Variants in SLMAP observed in about 807,000 individuals in gnomAD.
The protein encoded by SLMAP is sarcolemmal membrane-associated protein.
Under a neutral mutation model 128.8 loss-of-function variants are expected in SLMAP, and 44 were observed. The ratio of observed to expected loss-of-function variants is 0.34; its 90% CI spans 0.27 to 0.44. The LOEUF (loss-of-function observed/expected upper bound fraction) is 0.44, where lower values mean the gene tolerates loss of function less well. SLMAP is among the 20% of genes least tolerant of loss of function. The pLI is 1.00. For synonymous variants in SLMAP, 327 were observed against 348.8 expected, an observed-to-expected ratio of 0.94 and a Z score of 0.70; for missense variants, 787 against 985.3, an observed-to-expected ratio of 0.80 and a Z score of 2.69.
rs1417183805 is a variant in SLMAP, at chr3:57,906,321, T to C, written c.1502-1563T>C. Among the ~76,000 whole-genome samples the C allele has an allele frequency of 3.9e-5, 5 of 126,746 alleles. No homozygotes were observed. The East Asian group carries it at 8.4e-4, about 21-fold the overall frequency. 83.2% of individuals were successfully genotyped at this position (126,746 alleles called of 152,430 possible). On this transcript the variant is annotated intron_variant, in intron 17 of 24. Coordinates refer to ENST00000671191, the MANE Select transcript of SLMAP (RefSeq NM_001377540.1). ...TTTTCTTTTTTTTTCTTTTTTTTTT[T>C]TTTTTTTTTTTAGAGACACAGTCAC...
In SLMAP at chr3:57,913,272, A is replaced by G. The variant is rs2096736969; in HGVS notation, c.2135A>G (p.His712Arg). ...SELQRQEKELHNSQKQSLELT... is the reference protein window; with the variant it reads ...SELQRQEKELRNSQKQSLELT... The stretch of plus-strand genomic sequence containing the variant: ...CTGCAACGGCAAGAAAAAGAATTGC[A>G]CAAGTATGCAAGAACTCTCTGTTTT... Residue 712 changes from histidine to arginine, a missense_variant, in exon 21 of 25, where the codon CAC becomes CGC. Physicochemically the swap from His to Arg is conservative, Grantham distance 29. Coordinates refer to ENST00000671191, the MANE Select transcript of SLMAP (RefSeq NM_001377540.1). The G allele has an allele frequency of 4.3e-6, 6 of 1,405,242 alleles. No individual in the cohort carries two copies. Among genetic ancestry groups the G allele is most frequent in the Non-Finnish European group, 6.0e-6 (6 of 999,418 alleles). 87.0% of individuals were successfully genotyped at this position (1,405,242 alleles called of 1,614,324 possible). A position where few individuals can be genotyped will look rare whatever the true frequency, so the allele number is the denominator to read the frequency against.
intron 17 of SLMAP, chr3:57,901,566 G>A (rs952665471): frequency 6.6e-6 from 1 of 152,104 alleles, no homozygotes; most frequent in African/African-American, 2.4e-5. Context: ...CAGTTTGCAG[G>A]ACATACAAAG....
chr3:57,820,868 C>T (rs764036843), intron 2 of SLMAP, among the ~76,000 whole-genome samples: 3 of 152,136 alleles, frequency 2.0e-5, no homozygotes, highest in Non-Finnish European at 2.9e-5. Flanking sequence ...CCCCTACTGC[C>T]TGGTGAATAT....
In SLMAP at chr3:57,917,092, C is replaced by T; in HGVS notation, c.2310+15C>T. 1 of 1,613,480 alleles carries T rather than the reference C, an allele frequency of 6.2e-7. No homozygotes were observed. Among genetic ancestry groups the T allele is most frequent in the Non-Finnish European group, 8.5e-7 (1 of 1,179,702 alleles). On this transcript the variant is annotated intron_variant, in intron 22 of 24. Coordinates refer to ENST00000671191, the MANE Select transcript of SLMAP (RefSeq NM_001377540.1). The stretch of plus-strand genomic sequence containing the variant: ...TGCAGAAAGAGGTAAAGCGAAAAGA[C>T]ATTATGAGCCCAATTATGGTTGGAC...
At chr3:57,902,865 C>G (rs2096427256) in intron 17 of SLMAP, among the ~76,000 whole-genome samples, 1 of 152,130 alleles carries the variant, frequency 6.6e-6, no homozygotes, top group Non-Finnish European at 1.5e-5. Flanking sequence ...GCATAATTAT[C>G]GTCAAAAGTG....
In SLMAP at chr3:57,820,290, GTAAT is replaced by G. The variant is rs201494704; in HGVS notation, c.199-11090_199-11087del. On this transcript the variant is annotated intron_variant, in intron 2 of 24. Transcript: ENST00000671191. ...ATTAATAATTTTGATATCCTTTGAG[GTAAT>G]TAGAGACTTTTTGATGTCTAAAAGA... Among the ~76,000 whole-genome samples, 28 of 152,048 alleles carry G rather than the reference GTAAT, an allele frequency of 1.8e-4. No homozygotes were observed. In the East Asian group the frequency reaches 3.9e-3, roughly 21 times the overall value.
At chr3:57,863,365 GT>G (rs1336442083) in intron 10 of SLMAP, among the ~76,000 whole-genome samples, 5 of 152,208 alleles carry the variant, frequency 3.3e-5, no homozygotes, top group Non-Finnish European at 5.9e-5. Context: ...GAAGATATGT[GT>G]TTGTTAGAGA....
chr3:57,759,998 G>A (rs1343984696), intron 2 of SLMAP, among the ~76,000 whole-genome samples: 5 of 152,108 alleles, frequency 3.3e-5, no homozygotes, highest in Non-Finnish European at 7.4e-5. Context: ...AGAGTGCAGT[G>A]GCGCAACCTC....
intron 17 of SLMAP, among the ~76,000 whole-genome samples, chr3:57,907,549 A>G (rs2096599544): frequency 6.6e-6 from 1 of 152,254 alleles, no homozygotes; most frequent in South Asian, 2.1e-4. Context: ...ATGAAGAAGT[A>G]TAGCATTTTG....
intron 2 of SLMAP, among the ~76,000 whole-genome samples, chr3:57,807,969 G>A (rs1408239472): frequency 6.6e-6 from 1 of 152,054 alleles, no homozygotes; most frequent in African/African-American, 2.4e-5. Flanking sequence ...GTCTATTCAG[G>A]GATTCAGCTT....
intron 2 of SLMAP, among the ~76,000 whole-genome samples, chr3:57,829,409 C>T (rs1395559006): frequency 6.6e-6 from 1 of 151,892 alleles, no homozygotes; most frequent in African/African-American, 2.4e-5. Flanking sequence ...TGCCCAGGCA[C>T]ATATTACTAA....
intron 9 of SLMAP, 36 bp downstream of exon 9, chr3:57,860,875 A>G (rs772862198): frequency 1.3e-6 from 2 of 1,487,910 alleles, no homozygotes; most frequent in East Asian, 4.8e-5. Context: ...AAATAGTATT[A>G]TGAGTGTTCA....
intron 21 of SLMAP, among the ~76,000 whole-genome samples, chr3:57,914,022 CAAATAG>C (rs2096757071): frequency 1.3e-5 from 2 of 152,016 alleles, no homozygotes; most frequent in South Asian, 4.2e-4. Flanking sequence ...TTCTGAATTT[CAAATAG>C]GGTTGTATGA....
In SLMAP at chr3:57,818,116, G is replaced by A. The variant is rs563559917; in HGVS notation, c.199-13267G>A. Reference sequence around the variant, plus strand: ...ACTAGCTTAGGAGACCCTTTGGCGAGTTACTTAACCTCTTTTAGTCCTGAT... The same window carrying A: ...ACTAGCTTAGGAGACCCTTTGGCGAATTACTTAACCTCTTTTAGTCCTGAT... On this transcript the variant is annotated intron_variant, in intron 2 of 24. Transcript: ENST00000671191. 3.3e-4 allele frequency among the ~76,000 whole-genome samples: 50 copies of A among 152,180 alleles called. No homozygotes were observed. In the South Asian group the frequency reaches 5.0e-3, roughly 15 times the overall value.
At chr3:57,902,804 C>G (rs1320704232) in intron 17 of SLMAP, among the ~76,000 whole-genome samples, 1 of 152,156 alleles carries the variant, frequency 6.6e-6, no homozygotes, top group East Asian at 1.9e-4. Context: ...ACATGCTAAA[C>G]AGGAAGAGTG....
intron 12 of SLMAP, 24 bp downstream of exon 12, chr3:57,864,881 C>T (rs1277946024): frequency 1.3e-6 from 2 of 1,529,428 alleles, no homozygotes; most frequent in South Asian, 1.2e-5. Context: ...ATATTTCTTA[C>T]TTAAACCTGA....
In SLMAP at chr3:57,785,039, A is replaced by G. The variant is rs971548497; in HGVS notation, c.198+27190A>G. 3.3e-5 allele frequency among the ~76,000 whole-genome samples: 5 copies of G among 152,200 alleles called. No homozygotes were observed. In the South Asian group the frequency reaches 8.3e-4, roughly 25 times the overall value. On this transcript the variant is annotated intron_variant, in intron 2 of 24. Transcript: ENST00000671191. ...AGATAGATAGATTTTATATATATAT[A>G]TAGTTATAAAGTATTCAGTCTAAGG...
rs2097043632 is a variant in SLMAP, at chr3:57,928,706, AAT to A, written c.*1418_*1419del. On this transcript the variant is annotated 3_prime_UTR_variant, in exon 25 of 25. Coordinates refer to ENST00000671191, the MANE Select transcript of SLMAP (RefSeq NM_001377540.1). ...GAGGGAATGTCAGTGAATTGGCTTGAATGTTCTGTGGCAATCCACAGGTCTAG... is the reference window on the plus strand; with the variant it reads ...GAGGGAATGTCAGTGAATTGGCTTGAGTTCTGTGGCAATCCACAGGTCTAG... 6.6e-6 allele frequency: 1 copy of A among 152,164 alleles called. No individual in the cohort carries two copies. The highest frequency in any genetic ancestry group is 1.5e-5 in the Non-Finnish European group (1 of 68,010). The allele number at this position is 152,164 out of a possible 1,614,324, so 9.4% of individuals were successfully genotyped here.
chr3:57,765,042 C>T (rs2079401226), intron 2 of SLMAP, among the ~76,000 whole-genome samples: 1 of 151,978 alleles, frequency 6.6e-6, no homozygotes. Context: ...TTAAACTAGA[C>T]CTTAGGACTT....
Sources: gnomAD v4.1 joint callset for allele counts (sites outside exome capture counted in the v4.1 genomes callset) on GRCh38, gnomAD v4.1.1 for gene constraint, MANE v1.5 for transcripts, NCBI Gene and HGNC (gene_info 2026-07-23, HGNC 2026-07-21) for gene names.